CNTN3: variants seen among roughly 807,000 people sequenced by gnomAD.
The protein encoded by CNTN3 is contactin-3.
In CNTN3, 60 loss-of-function variants were observed where a neutral mutation model predicts 119.1. The observed-to-expected ratio is 0.50, with a 90% CI of 0.41 to 0.62. The LOEUF (loss-of-function observed/expected upper bound fraction) is 0.62. Ranked by LOEUF, CNTN3 falls within the 20% of genes least tolerant of loss-of-function variation. The pLI is 0.00. For synonymous variants in CNTN3, 450 were observed against 438.7 expected (o/e 1.03, Z -0.32); for missense variants, 1,101 against 1,242.4 (o/e 0.89, Z 1.71).
intron 5 of CNTN3, among the ~76,000 whole-genome samples, chr3:74,402,918 A>G (rs934398977): frequency 6.6e-6 from 1 of 152,174 alleles, no homozygotes; most frequent in East Asian, 1.9e-4. Context: ...CAAGGGCCCT[A>G]ACACTGGGCA....
In CNTN3 at chr3:74,302,706, A is replaced by C; in HGVS notation, c.1770T>G (p.Ala590=). 1.9e-6 allele frequency: 3 copies of C among 1,609,930 alleles called. No homozygotes were observed. The highest frequency in any genetic ancestry group is 2.5e-6 in the Non-Finnish European group (3 of 1,176,474). ...QTGVDSVSSA[A]DLIVRGSPGP... is the part of the protein sequence containing the mutation. ...ATGTTTTACCTCTTACTATGAGGTCAGCAGCAGATGAAACACTGTCCACCC... is the reference window on the plus strand; with the variant it reads ...ATGTTTTACCTCTTACTATGAGGTCCGCAGCAGATGAAACACTGTCCACCC... Residue 590 remains alanine, a synonymous_variant, in exon 14 of 23, where the codon GCT becomes GCG. Transcript: ENST00000263665.
At chr3:74,269,274 G>A (rs936460292) in intron 20 of CNTN3, among the ~76,000 whole-genome samples, 10 of 151,630 alleles carry the variant, frequency 6.6e-5, no homozygotes, top group African/African-American at 2.4e-4. Context: ...TACATTTTTG[G>A]GCACTCTCTA....
chr3:74,332,907 T>G (rs551893707), intron 13 of CNTN3, among the ~76,000 whole-genome samples: 129 of 152,360 alleles, frequency 8.5e-4, no homozygotes, highest in African/African-American at 3.0e-3. Context: ...ATTTTAGGCT[T>G]CTTCTTGAGG....
chr3:74,305,290 A>G (rs1442685660), intron 13 of CNTN3, among the ~76,000 whole-genome samples: 1 of 152,006 alleles, frequency 6.6e-6, no homozygotes, highest in African/African-American at 2.4e-5. Context: ...TGGAACTGGA[A>G]CTCTTATTGC....
At chr3:74,323,804 C>G (rs919778468) in intron 13 of CNTN3, among the ~76,000 whole-genome samples, 1 of 152,124 alleles carries the variant, frequency 6.6e-6, no homozygotes, top group Non-Finnish European at 1.5e-5. Context: ...CAGCCTTTGT[C>G]AAACAAAATA....
chr3:74,414,562 AC>A (rs1261415599), intron 5 of CNTN3, among the ~76,000 whole-genome samples: 2 of 152,064 alleles, frequency 1.3e-5, no homozygotes, highest in Non-Finnish European at 2.9e-5. Flanking sequence ...GAAAGACCCC[AC>A]CCTATGGGGT....
chr3:74,470,969 C>T (rs904455815), intron 4 of CNTN3, among the ~76,000 whole-genome samples: 6 of 150,704 alleles, frequency 4.0e-5, no homozygotes, highest in South Asian at 2.1e-4. Flanking sequence ...CTCCGCCTCC[C>T]GGGTTCAAGC....
At chr3:74,450,681 C>G (rs1169224463) in intron 4 of CNTN3, among the ~76,000 whole-genome samples, 68 of 122,348 alleles carry the variant, frequency 5.6e-4, no homozygotes, top group African/African-American at 1.9e-3. Context: ...CCCCACAACA[C>G]TCCCCAGAGT....
chr3:74,268,210 G>A (rs1162309329), intron 20 of CNTN3, among the ~76,000 whole-genome samples: 1 of 152,096 alleles, frequency 6.6e-6, no homozygotes, highest in Non-Finnish European at 1.5e-5. Context: ...GCTAAGGGGT[G>A]AGGGTGTTGA....
chr3:74,520,964 G>A, intron 2 of CNTN3, 94 bp downstream of exon 2: 2 of 598,122 alleles, frequency 3.3e-6, no homozygotes, highest in Non-Finnish European at 5.6e-6. Context: ...CTTTGCTACT[G>A]GTGGAGTTTT....
At chr3:74,478,971 A>G (rs1702710554) in intron 4 of CNTN3, among the ~76,000 whole-genome samples, 1 of 152,138 alleles carries the variant, frequency 6.6e-6, no homozygotes, top group Non-Finnish European at 1.5e-5. Flanking sequence ...ATTGTAAAAA[A>G]TATTATGATA....
intron 1 of CNTN3, among the ~76,000 whole-genome samples, chr3:74,533,648 C>A (rs989758971): frequency 6.6e-6 from 1 of 151,950 alleles, no homozygotes; most frequent in Non-Finnish European, 1.5e-5. Flanking sequence ...CCTAGTCAAT[C>A]CCTGGGTATT....
Position 74,614,453 on chromosome 3 carries a change from G to GCCGCCGCCGCCGCCA in CNTN3, c.-144_-143insTGGCGGCGGCGGCGG, listed in dbSNP as rs1705137608. Among the ~76,000 whole-genome samples the GCCGCCGCCGCCGCCA allele has an allele frequency of 7.0e-6, 1 of 142,560 alleles. No homozygotes were observed. Among genetic ancestry groups the GCCGCCGCCGCCGCCA allele is most frequent in the East Asian group, 2.0e-4 (1 of 5,008 alleles). The allele number at this position is 142,560 out of a possible 152,430, so 93.5% of individuals were successfully genotyped here. On this transcript the variant is annotated 5_prime_UTR_variant, in exon 1 of 23. Transcript: ENST00000263665. ...CCCACTCGCCGCCGCCGCCGCCGCC[G>GCCGCCGCCGCCGCCA]CCGCCGCCGCCACCGCCGCCGCCGC...
chr3:74,570,954 C>T (rs939402503), intron 1 of CNTN3, among the ~76,000 whole-genome samples: 2 of 152,052 alleles, frequency 1.3e-5, no homozygotes, highest in Non-Finnish European at 2.9e-5. Context: ...TCACTTTTTC[C>T]TTGGAAATAT....
At chr3:74,553,275 T>C (rs1704020070) in intron 1 of CNTN3, among the ~76,000 whole-genome samples, 1 of 152,248 alleles carries the variant, frequency 6.6e-6, no homozygotes, top group South Asian at 2.1e-4. Context: ...TCATCCTTTT[T>C]TATGGCTACA....
chr3:74,546,484 CTG>C (rs1703917256), intron 1 of CNTN3, among the ~76,000 whole-genome samples: 1 of 152,188 alleles, frequency 6.6e-6, no homozygotes, highest in African/African-American at 2.4e-5. Flanking sequence ...ATCTAATCAG[CTG>C]CCAGCACAGC....
chr3:74,388,975 T>C (rs569012681), intron 5 of CNTN3, among the ~76,000 whole-genome samples: 6 of 152,316 alleles, frequency 3.9e-5, no homozygotes, highest in African/African-American at 1.4e-4. Context: ...ACTCTGGCCA[T>C]TCGTCTTACA....
intron 1 of CNTN3, among the ~76,000 whole-genome samples, chr3:74,598,088 G>A (rs904419181): frequency 6.6e-6 from 1 of 152,026 alleles, no homozygotes. Context: ...AGAAAGAGTA[G>A]AGTCTGTTTC....
chr3:74,407,590 C>T lies in CNTN3; in HGVS notation c.454+17255G>A, dbSNP rs189682148. ...GCCCGGCCAAGCCAAATATCCTTAG[C>T]GGAAGACCTAGGTCTAGCAAAAGAC... On this transcript the variant is annotated intron_variant, in intron 5 of 22. Transcript: ENST00000263665. Among the ~76,000 whole-genome samples, 142 of 151,868 alleles carry T rather than the reference C, an allele frequency of 9.4e-4. No individual in the cohort carries two copies. In the East Asian group the frequency reaches 0.015, roughly 16 times the overall value.
Sources: gnomAD v4.1 joint callset for allele counts (sites outside exome capture counted in the v4.1 genomes callset) on GRCh38, gnomAD v4.1.1 for gene constraint, MANE v1.5 for transcripts, NCBI Gene and HGNC (gene_info 2026-07-23, HGNC 2026-07-21) for gene names.